Variants in FNBP1 observed in about 807,000 individuals in gnomAD.
The protein encoded by FNBP1 is formin-binding protein 1.
In FNBP1, 26 loss-of-function variants were observed where a neutral mutation model predicts 90.6. The ratio of observed to expected loss-of-function variants is 0.29; its 90% CI spans 0.21 to 0.40. The LOEUF (loss-of-function observed/expected upper bound fraction) is 0.40, where lower values mean the gene tolerates loss of function less well. FNBP1 is among the 10% of genes least tolerant of loss of function. The probability of loss-of-function intolerance (pLI) is 1.00; values close to 1 mark genes in which losing one functional copy is unlikely to be tolerated. For synonymous variants in FNBP1, 260 were observed against 265.2 expected (o/e 0.98, Z 0.19); for missense variants, 635 against 768.0 (o/e 0.83, Z 2.05).
In FNBP1 at chr9:129,914,746, CATACATATGTCTATAT is replaced by C. The variant is rs1185802079; in HGVS notation, c.1185+1204_1185+1219del. Among the ~76,000 whole-genome samples the C allele has an allele frequency of 1.1e-3, 85 of 77,530 alleles. 1 individual carries two copies. Among genetic ancestry groups the C allele is most frequent in the African/African-American group, 3.2e-3 (78 of 24,542 alleles). 50.9% of individuals were successfully genotyped at this position (77,530 alleles called of 152,430 possible). A position where few individuals can be genotyped will look rare whatever the true frequency, so the allele number is the denominator to read the frequency against. On this transcript the variant is annotated intron_variant, in intron 11 of 16. Transcript: ENST00000446176. ...TCATGTTGAAAAAATTATGTATATA[CATACATATGTCTATAT>C]ATATATATATATATATATATATATA...
intron 11 of FNBP1, among the ~76,000 whole-genome samples, chr9:129,913,628 G>T (rs1180757626): frequency 1.3e-5 from 2 of 151,950 alleles, no homozygotes; most frequent in Non-Finnish European, 2.9e-5. Context: ...AAAATTAGCT[G>T]GGTGTGGTGG....
intron 1 of FNBP1, among the ~76,000 whole-genome samples, chr9:130,035,796 A>T (rs1272833775): frequency 3.3e-5 from 5 of 152,140 alleles, no homozygotes; most frequent in Non-Finnish European, 5.9e-5. Flanking sequence ...AAAACACAAA[A>T]TTAGCCAGGC....
intron 1 of FNBP1, among the ~76,000 whole-genome samples, chr9:130,016,931 C>G (rs2057298539): frequency 6.6e-6 from 1 of 151,992 alleles, no homozygotes; most frequent in Non-Finnish European, 1.5e-5. Context: ...AGAAGAGTCC[C>G]CTGATCTCAT....
At chr9:129,899,456 A>C (rs1465561158) in intron 15 of FNBP1, among the ~76,000 whole-genome samples, 1 of 152,090 alleles carries the variant, frequency 6.6e-6, no homozygotes, top group Admixed American at 6.5e-5. Context: ...CACACCTGTG[A>C]TCACAGCACT....
At chr9:129,929,500 A>G in intron 7 of FNBP1, 67 bp downstream of exon 7, 1 of 1,456,056 alleles carries the variant, frequency 6.9e-7, no homozygotes, top group South Asian at 1.2e-5. Flanking sequence ...ATCACGATTC[A>G]GAAGTGTCAT....
chr9:129,940,227 G>A (rs1288238564), intron 6 of FNBP1, among the ~76,000 whole-genome samples: 2 of 151,804 alleles, frequency 1.3e-5, no homozygotes, highest in Non-Finnish European at 2.9e-5. Flanking sequence ...ACAAAACAAC[G>A]ACAACAACAA....
At chr9:129,938,480 A>G (rs2043828989) in intron 6 of FNBP1, among the ~76,000 whole-genome samples, 1 of 152,162 alleles carries the variant, frequency 6.6e-6, no homozygotes. Context: ...AAAACAGAGA[A>G]AAACTTCAAA....
intron 4 of FNBP1, among the ~76,000 whole-genome samples, chr9:129,972,336 G>A (rs1406804091): frequency 6.6e-6 from 1 of 152,074 alleles, no homozygotes; most frequent in Non-Finnish European, 1.5e-5. Flanking sequence ...GTTTCCCCAT[G>A]TTGGCCAGGC....
At chr9:130,044,851 C>T (rs1034025976), upstream of FNBP1, 1 of 152,140 alleles carries the variant, frequency 6.6e-6, no homozygotes, top group Non-Finnish European at 1.5e-5. Flanking sequence ...GCAAGAGAAT[C>T]GCTTGAACCC....
intron 6 of FNBP1, among the ~76,000 whole-genome samples, chr9:129,952,728 T>C (rs895045467): frequency 6.6e-6 from 1 of 152,260 alleles, no homozygotes; most frequent in East Asian, 1.9e-4. Flanking sequence ...CTTGAACATA[T>C]TACAATTCTA....
chr9:130,010,012 A>C (rs2056338128), intron 1 of FNBP1, among the ~76,000 whole-genome samples: 1 of 151,796 alleles, frequency 6.6e-6, no homozygotes, highest in South Asian at 2.1e-4. Context: ...GCTAAGAGGC[A>C]ATTTTTGTCC....
intron 6 of FNBP1, among the ~76,000 whole-genome samples, chr9:129,951,760 T>C (rs78108035): frequency 0.017 from 2,632 of 152,114 alleles, 80 homozygotes; most frequent in African/African-American, 0.06. Flanking sequence ...TGACTTCTTA[T>C]ATGGGGGAAT....
In FNBP1 at chr9:129,895,713, T is replaced by G; in HGVS notation, c.1846+125A>C. ...GTCCACGTGAGACTACAGGAGAACGTGCATTATGGTGCTTGCCAGCCAGTC... is the reference window on the plus strand; with the variant it reads ...GTCCACGTGAGACTACAGGAGAACGGGCATTATGGTGCTTGCCAGCCAGTC... On this transcript the variant is annotated intron_variant, in intron 16 of 16. Coordinates refer to ENST00000446176, the MANE Select transcript of FNBP1 (RefSeq NM_015033.3). 4 of 1,378,852 alleles carry G rather than the reference T, an allele frequency of 2.9e-6. 1 individual carries two copies. In the South Asian group the frequency reaches 5.4e-5, roughly 18 times the overall value. 85.4% of individuals were successfully genotyped at this position (1,378,852 alleles called of 1,614,324 possible). A position where few individuals can be genotyped will look rare whatever the true frequency, so the allele number is the denominator to read the frequency against.
the FNBP1 span, among the ~76,000 whole-genome samples, chr9:130,052,107 A>G: frequency 2.0e-5 from 3 of 152,216 alleles, no homozygotes; most frequent in Non-Finnish European, 2.9e-5. Context: ...TTAAGAAGTA[A>G]CTGTAGAGAA....
intron 15 of FNBP1, among the ~76,000 whole-genome samples, chr9:129,897,082 G>C (rs2035903146): frequency 6.6e-6 from 1 of 152,128 alleles, no homozygotes. Context: ...TGGATTCACT[G>C]TTCTTCCTCC....
intron 13 of FNBP1, 151 bp downstream of exon 13, chr9:129,902,718 T>C: frequency 1.4e-6 from 1 of 698,434 alleles, no homozygotes; most frequent in Non-Finnish European, 2.4e-6. Context: ...GCGAAGAGTG[T>C]ATTTTTCCTT....
At chr9:129,936,765 C>G (rs533115607) in intron 6 of FNBP1, among the ~76,000 whole-genome samples, 1 of 152,222 alleles carries the variant, frequency 6.6e-6, no homozygotes, top group South Asian at 2.1e-4. Flanking sequence ...GTAGAGGCCA[C>G]TGGATATTAT....
chr9:129,982,443 C>T (rs1390992230), intron 2 of FNBP1, among the ~76,000 whole-genome samples: 1 of 151,934 alleles, frequency 6.6e-6, no homozygotes, highest in African/African-American at 2.4e-5. Flanking sequence ...TGCACTCCAG[C>T]CTGGGCAACA....
chr9:129,906,294 A>G (rs2038046909), intron 12 of FNBP1, among the ~76,000 whole-genome samples: 1 of 152,192 alleles, frequency 6.6e-6, no homozygotes, highest in South Asian at 2.1e-4. Context: ...TGAAACAAAG[A>G]TATACTCAAT....
Sources: allele counts gnomAD v4.1 joint callset (sites outside exome capture counted in the v4.1 genomes callset), GRCh38; gene constraint gnomAD v4.1.1; transcripts MANE v1.5; gene names NCBI Gene and HGNC (gene_info 2026-07-23, HGNC 2026-07-21).